OLIG2: variants seen among roughly 807,000 people sequenced by gnomAD.
OLIG2 encodes the protein oligodendrocyte transcription factor 2.
In OLIG2, 12 loss-of-function variants were observed where a neutral mutation model predicts 13.4. That is an observed-to-expected ratio of 0.90 (90% confidence interval 0.58 to 1.46). OLIG2 has a LOEUF of 1.46. OLIG2 is among the 40% of genes most tolerant of loss of function. The pLI is 0.00. For missense variants in OLIG2, 415 were observed against 487.9 expected, an observed-to-expected ratio of 0.85 and a Z score of 1.41; for synonymous variants, 250 against 233.6, an observed-to-expected ratio of 1.07 and a Z score of -0.64.
At position 33,027,550 on chromosome 21, in the gene OLIG2, G is replaced by A. The variant is rs1981142252; in HGVS notation, c.688G>A (p.Ala230Thr). 11 of 1,473,730 alleles carry A rather than the reference G, an allele frequency of 7.5e-6. No homozygotes were observed. Among genetic ancestry groups the A allele is most frequent in the Non-Finnish European group, 9.0e-6 (10 of 1,117,162 alleles). The allele number at this position is 1,473,730 out of a possible 1,614,324, so 91.3% of individuals were successfully genotyped here. Residue 230 changes from alanine to threonine, a missense_variant, in exon 2 of 2, where the codon GCT becomes ACT. Ala to Thr is a moderately conservative substitution (Grantham distance 58). This residue lies in a region of OLIG2 where 243 missense variants were observed against 241.2 expected (regional missense o/e 1.01). Coordinates refer to ENST00000382357, the MANE Select transcript of OLIG2 (RefSeq NM_005806.4). ...CCTGCCGCCCGCCGCCGCAGCGGCT[G>A]CTGCCGCCGCTGCAGCCGCGGCTGT... Reference protein sequence around the residue: ...PILPPAAAAAAAAAAAAAVSS... With the variant: ...PILPPAAAAATAAAAAAAVSS...
chr21:33,026,432 A>C lies in OLIG2; in HGVS notation c.-62-369A>C. On this transcript the variant is annotated intron_variant, in intron 1 of 1. Transcript: ENST00000382357. The surrounding 1 kb of genome is among the most constrained non-coding windows in gnomAD (Gnocchi z 6.6). ...TCTAGATCTCCATTCTCCCCAAAGA[A>C]AGGCCCTCACTTCCCACTCGTTTAT... 1 of 194,290 alleles carries C rather than the reference A, an allele frequency of 5.1e-6. No homozygotes were observed. The highest frequency in any genetic ancestry group is 1.1e-5 in the Non-Finnish European group (1 of 92,926). 12.0% of individuals were successfully genotyped at this position (194,290 alleles called of 1,614,324 possible).
rs1015933087 is a variant in OLIG2 at position 33,026,737 on chromosome 21, A to T, written c.-62-64A>T. 1.1e-4 allele frequency: 122 copies of T among 1,102,492 alleles called. No individual in the cohort carries two copies. Among genetic ancestry groups the T allele is most frequent in the African/African-American group, 3.5e-4 (21 of 60,502 alleles). 68.3% of individuals were successfully genotyped at this position (1,102,492 alleles called of 1,614,324 possible). Reference sequence around the variant, plus strand: ...CAGCTTTTCTGTCTCTCACTGACTCACTCTCTCTCTCTCTCCCTCTCTCTC... The same window carrying T: ...CAGCTTTTCTGTCTCTCACTGACTCTCTCTCTCTCTCTCTCCCTCTCTCTC... On this transcript the variant is annotated intron_variant, in intron 1 of 1. Transcript: ENST00000382357. This position sits in a 1 kb window ranked among gnomAD's most constrained non-coding sequence, Gnocchi z 6.6.
At position 33,026,813 on chromosome 21, in the gene OLIG2, A is replaced by C. The variant is rs548680996; in HGVS notation, c.-50A>C. On this transcript the variant is annotated 5_prime_UTR_variant, in exon 2 of 2. Coordinates refer to ENST00000382357, the MANE Select transcript of OLIG2 (RefSeq NM_005806.4). The surrounding 1 kb of genome is among the most constrained non-coding windows in gnomAD (Gnocchi z 6.6). Reference sequence around the variant, plus strand: ...CCTCTCCTGGAAGTTTTCGGGTCCGAGGGAAGGAGGACCCTGCGAAAGCTG... The same window carrying C: ...CCTCTCCTGGAAGTTTTCGGGTCCGCGGGAAGGAGGACCCTGCGAAAGCTG... The C allele has an allele frequency of 8.2e-6, 13 of 1,590,368 alleles. No homozygotes were observed. The highest frequency in any genetic ancestry group is 9.4e-6 in the Non-Finnish European group (11 of 1,172,712).
chr21:33,028,166 G>C lies in OLIG2; in HGVS notation c.*332G>C, dbSNP rs1981177991. ...TCCGACCCCCGACCCCCACCTCCGG[G>C]AAAAGATTCTAAAAACTTCTTTCCC... On this transcript the variant is annotated 3_prime_UTR_variant, in exon 2 of 2. Transcript: ENST00000382357. The C allele has an allele frequency of 3.3e-6, 1 of 301,892 alleles. No individual in the cohort carries two copies. The highest frequency in any genetic ancestry group is 6.4e-6 in the Non-Finnish European group (1 of 155,766). 18.7% of individuals were successfully genotyped at this position (301,892 alleles called of 1,614,324 possible).
rs1035628056 is a variant in OLIG2, at chr21:33,027,924, C to T, written c.*90C>T. 4 of 1,291,128 alleles carry T rather than the reference C, an allele frequency of 3.1e-6. No individual in the cohort carries two copies. The highest frequency in any genetic ancestry group is 3.0e-6 in the Non-Finnish European group (3 of 1,006,780). The allele number at this position is 1,291,128 out of a possible 1,614,324, so 80.0% of individuals were successfully genotyped here. A position where few individuals can be genotyped will look rare whatever the true frequency, so the allele number is the denominator to read the frequency against. ...CCTGCGCTGGGCTCGGGAGCTCTGT[C>T]GCGAGGAGGGGCGCAGGACCATGGA... On this transcript the variant is annotated 3_prime_UTR_variant, in exon 2 of 2. Transcript: ENST00000382357.
chr21:33,028,037 CTCTCCG>C lies in OLIG2; in HGVS notation c.*204_*209del. 2.0e-6 allele frequency: 1 copy of C among 501,846 alleles called. No individual in the cohort carries two copies. The highest frequency in any genetic ancestry group is 3.5e-5 in the East Asian group (1 of 28,214). The allele number at this position is 501,846 out of a possible 1,614,324, so 31.1% of individuals were successfully genotyped here. On this transcript the variant is annotated 3_prime_UTR_variant, in exon 2 of 2. Coordinates refer to ENST00000382357, the MANE Select transcript of OLIG2 (RefSeq NM_005806.4). ...GAGCAGTGGGGAGTGAGGGGATGTTCTCTCCGGGACCTGATCGAGCGCTGTCTGGCT... is the reference window on the plus strand; with the variant it reads ...GAGCAGTGGGGAGTGAGGGGATGTTCGGACCTGATCGAGCGCTGTCTGGCT...
chr21:33,027,326 C>A lies in OLIG2; in HGVS notation c.464C>A (p.Ala155Glu). 1 of 1,586,494 alleles carries A rather than the reference C, an allele frequency of 6.3e-7. No homozygotes were observed. The highest frequency in any genetic ancestry group is 8.6e-7 in the Non-Finnish European group (1 of 1,166,768). ...TCCAAGATCGCCACGCTGCTGCTGG[C>A]GCGCAACTACATCCTCATGCTCACC... ...KLSKIATLLL[A>E]RNYILMLTNS... The change falls in exon 2 of 2, where the codon GCG becomes GAG. Residue 155 changes from alanine to glutamate, a missense_variant. Ala to Glu is a moderately radical substitution (Grantham distance 107). Transcript: ENST00000382357.
chr21:33,027,879 C>G lies in OLIG2; in HGVS notation c.*45C>G, dbSNP rs1426731827. 5.9e-6 allele frequency: 8 copies of G among 1,353,784 alleles called. No individual in the cohort carries two copies. The highest frequency in any genetic ancestry group is 4.0e-5 in the Admixed American group (1 of 24,976). The allele number at this position is 1,353,784 out of a possible 1,614,324, so 83.9% of individuals were successfully genotyped here. A position where few individuals can be genotyped will look rare whatever the true frequency, so the allele number is the denominator to read the frequency against. The stretch of plus-strand genomic sequence containing the variant: ...TTCTGGCGACAGGGGAGCCAGGGGC[C>G]GCGGGGAAGCGAGGACTGGCCTGCG... On this transcript the variant is annotated 3_prime_UTR_variant, in exon 2 of 2. Transcript: ENST00000382357.
chr21:33,026,793 C>T lies in OLIG2; in HGVS notation c.-62-8C>T, dbSNP rs1981091060. 1 of 1,568,022 alleles carries T rather than the reference C, an allele frequency of 6.4e-7. No individual in the cohort carries two copies. Among genetic ancestry groups the T allele is most frequent in the Non-Finnish European group, 8.6e-7 (1 of 1,159,042 alleles). On this transcript the variant is annotated splice_region_variant and splice_polypyrimidine_tract_variant and intron_variant, in intron 1 of 1. Transcript: ENST00000382357. The surrounding 1 kb of genome is among the most constrained non-coding windows in gnomAD (Gnocchi z 6.6). The stretch of plus-strand genomic sequence containing the variant: ...CATTCTCTCTCTTTTCTCCTCCTCT[C>T]CTGGAAGTTTTCGGGTCCGAGGGAA...
At position 33,027,555 on chromosome 21, in the gene OLIG2, CGCCGCTGCA is replaced by C; in HGVS notation, c.699_707del (p.Ala235_Ala237del). ...CGCCCGCCGCCGCAGCGGCTGCTGC[CGCCGCTGCA>C]GCCGCGGCTGTGTCCAGCGCCTCTC... On this transcript the variant is annotated inframe_deletion, in exon 2 of 2. Coordinates refer to ENST00000382357, the MANE Select transcript of OLIG2 (RefSeq NM_005806.4). 6.8e-7 allele frequency: 1 copy of C among 1,475,476 alleles called. No individual in the cohort carries two copies. The highest frequency in any genetic ancestry group is 8.9e-7 in the Non-Finnish European group (1 of 1,118,064). The allele number at this position is 1,475,476 out of a possible 1,614,324, so 91.4% of individuals were successfully genotyped here.
Position 33,027,921 on chromosome 21 carries a change from T to C in OLIG2, c.*87T>C. ...TGGCCTGCGCTGGGCTCGGGAGCTC[T>C]GTCGCGAGGAGGGGCGCAGGACCAT... On this transcript the variant is annotated 3_prime_UTR_variant, in exon 2 of 2. Transcript: ENST00000382357. 1 of 1,294,606 alleles carries C rather than the reference T, an allele frequency of 7.7e-7. No homozygotes were observed. Among genetic ancestry groups the C allele is most frequent in the Non-Finnish European group, 9.9e-7 (1 of 1,009,932 alleles). 80.2% of individuals were successfully genotyped at this position (1,294,606 alleles called of 1,614,324 possible).
In OLIG2 at chr21:33,027,411, C is replaced by T. The variant is rs1568809107; in HGVS notation, c.549C>T (p.Gly183=). The T allele has an allele frequency of 1.9e-6, 3 of 1,545,744 alleles. No individual in the cohort carries two copies. Among genetic ancestry groups the T allele is most frequent in the African/African-American group, 1.4e-5 (1 of 73,032 alleles). ...VSEIYGGHHA[G]FHPSACGGLA... ...AGATCTACGGGGGCCACCACGCTGG[C>T]TTCCACCCGTCGGCCTGCGGCGGCC... Residue 183 remains glycine, a synonymous_variant, in exon 2 of 2, where the codon GGC becomes GGT. Transcript: ENST00000382357.
chr21:33,026,551 A>C lies in OLIG2; in HGVS notation c.-62-250A>C. 1 of 379,024 alleles carries C rather than the reference A, an allele frequency of 2.6e-6. No homozygotes were observed. Among genetic ancestry groups the C allele is most frequent in the Non-Finnish European group, 4.8e-6 (1 of 206,858 alleles). 23.5% of individuals were successfully genotyped at this position (379,024 alleles called of 1,614,324 possible). On this transcript the variant is annotated intron_variant, in intron 1 of 1. Coordinates refer to ENST00000382357, the MANE Select transcript of OLIG2 (RefSeq NM_005806.4). The surrounding 1 kb of genome is among the most constrained non-coding windows in gnomAD (Gnocchi z 6.6). ...CCCGAGGGTCACCAACGCTCCCTGA[A>C]ATAACCTGTTGCATGAGAGCAGAGG...
rs1981079681 is a variant in OLIG2, at chr21:33,026,595, A to T, written c.-62-206A>T. 1.9e-6 allele frequency: 1 copy of T among 540,508 alleles called. No individual in the cohort carries two copies. The highest frequency in any genetic ancestry group is 3.3e-6 in the Non-Finnish European group (1 of 302,528). 33.5% of individuals were successfully genotyped at this position (540,508 alleles called of 1,614,324 possible). ...GCAGAGGGGAGATAGAGAGAGCTTAATTATAGGTACCCGCGTGCAGCTAAA... is the reference window on the plus strand; with the variant it reads ...GCAGAGGGGAGATAGAGAGAGCTTATTTATAGGTACCCGCGTGCAGCTAAA... On this transcript the variant is annotated intron_variant, in intron 1 of 1. Coordinates refer to ENST00000382357, the MANE Select transcript of OLIG2 (RefSeq NM_005806.4). The surrounding 1 kb of genome is among the most constrained non-coding windows in gnomAD (Gnocchi z 6.6).
In OLIG2 at chr21:33,027,663, C is replaced by T; in HGVS notation, c.801C>T (p.Ala267=). ...PHGLLKSPSA[A]AAAPLGGGGG... ...GCCTACTCAAGTCTCCGTCTGCTGC[C>T]GCGGCCGCCCCGCTGGGGGGCGGGG... Residue 267 remains alanine (A), a synonymous_variant, in exon 2 of 2, where the codon GCC becomes GCT. Transcript: ENST00000382357. The T allele has an allele frequency of 7.2e-7, 1 of 1,396,662 alleles. No individual in the cohort carries two copies. Among genetic ancestry groups the T allele is most frequent in the Non-Finnish European group, 9.2e-7 (1 of 1,084,118 alleles). 86.5% of individuals were successfully genotyped at this position (1,396,662 alleles called of 1,614,324 possible).
At position 33,027,093 on chromosome 21, in the gene OLIG2, A is replaced by G. The variant is rs762178; in HGVS notation, c.231A>G (p.Ser77=). Residue 77 remains serine (S), a synonymous_variant, in exon 2 of 2, where the codon TCA becomes TCG. Transcript: ENST00000382357. Reference sequence around the variant, plus strand: ...AGCTAGGAGGCAGTGGCTTCAAGTCATCCTCGTCCAGCACCTCGTCGTCTA... The same window carrying G: ...AGCTAGGAGGCAGTGGCTTCAAGTCGTCCTCGTCCAGCACCTCGTCGTCTA... ...GDKLGGSGFK[S]SSSSTSSSTS... 886,670 of 1,609,692 alleles carry G rather than the reference A, an allele frequency of 0.55. 248,745 individuals are homozygous for G. Among genetic ancestry groups the G allele is most frequent in the Non-Finnish European group, 0.58 (678,472 of 1,178,116 alleles).
In OLIG2 at chr21:33,027,680, G is replaced by C; in HGVS notation, c.818G>C (p.Gly273Ala). The C allele has an allele frequency of 1.5e-6, 2 of 1,372,558 alleles. No homozygotes were observed. The highest frequency in any genetic ancestry group is 1.9e-6 in the Non-Finnish European group (2 of 1,071,522). The allele number at this position is 1,372,558 out of a possible 1,614,324, so 85.0% of individuals were successfully genotyped here. A position where few individuals can be genotyped will look rare whatever the true frequency, so the allele number is the denominator to read the frequency against. The change falls in exon 2 of 2, where the codon GGG becomes GCG. Residue 273 changes from glycine (G) to alanine (A), a missense_variant. By Grantham distance (60) the Gly-to-Ala change is moderately conservative. Coordinates refer to ENST00000382357, the MANE Select transcript of OLIG2 (RefSeq NM_005806.4). ...TCTGCTGCCGCGGCCGCCCCGCTGG[G>C]GGGCGGGGGCGGCGGCAGTGGGGCG... ...SPSAAAAAPL[G>A]GGGGGSGASG...
At position 33,028,204 on chromosome 21, in the gene OLIG2, C is replaced by T. The variant is rs1981180533; in HGVS notation, c.*370C>T. On this transcript the variant is annotated 3_prime_UTR_variant, in exon 2 of 2. Transcript: ENST00000382357. Reference sequence around the variant, plus strand: ...AAACTTCTTTCCCTGAGAGCGTGGCCTGACTTGCAGACTCGGCTTGGGCAG... The same window carrying T: ...AAACTTCTTTCCCTGAGAGCGTGGCTTGACTTGCAGACTCGGCTTGGGCAG... 3.8e-6 allele frequency: 1 copy of T among 262,306 alleles called. No individual in the cohort carries two copies. Among genetic ancestry groups the T allele is most frequent in the African/African-American group, 2.2e-5 (1 of 46,116 alleles). 16.2% of individuals were successfully genotyped at this position (262,306 alleles called of 1,614,324 possible). A position where few individuals can be genotyped will look rare whatever the true frequency, so the allele number is the denominator to read the frequency against.
Position 33,027,535 on chromosome 21 carries a change from G to A in OLIG2, c.673G>A (p.Ala225Thr). 3 of 1,473,032 alleles carry A rather than the reference G, an allele frequency of 2.0e-6. No homozygotes were observed. The highest frequency in any genetic ancestry group is 3.0e-5 in the East Asian group (1 of 33,338). 91.2% of individuals were successfully genotyped at this position (1,473,032 alleles called of 1,614,324 possible). The part of the protein sequence containing the change: ...PAVHHPILPP[A>T]AAAAAAAAAA... Reference sequence around the variant, plus strand: ...GGTGCACCACCCCATCCTGCCGCCCGCCGCCGCAGCGGCTGCTGCCGCCGC... The same window carrying A: ...GGTGCACCACCCCATCCTGCCGCCCACCGCCGCAGCGGCTGCTGCCGCCGC... The change falls in exon 2 of 2, where the codon GCC becomes ACC. Residue 225 changes from alanine to threonine, a missense_variant. Coordinates refer to ENST00000382357, the MANE Select transcript of OLIG2 (RefSeq NM_005806.4).
Sources: gnomAD v4.1 joint callset for allele counts on GRCh38, gnomAD v4.1.1 for gene constraint, gnomAD v4.1.1 regional missense constraint, Gnocchi (gnomAD v3.1) non-coding constraint, MANE v1.5 for transcripts, NCBI Gene and HGNC (gene_info 2026-07-23, HGNC 2026-07-21) for gene names.